FRMPD4: variants seen among roughly 807,000 people sequenced by gnomAD.
FRMPD4 encodes FERM and PDZ domain containing 4, also known as FERM and PDZ domain-containing protein 4.
A neutral mutation model predicts 94.1 loss-of-function variants in FRMPD4; 22 were observed. That is an observed-to-expected ratio of 0.23 (90% CI 0.17 to 0.33). FRMPD4 has a LOEUF of 0.33. Among genes scored for constraint, FRMPD4 ranks in the 10% least tolerant of loss-of-function variants. FRMPD4 has a pLI of 1.00. For synonymous variants in FRMPD4, 631 were observed against 548.6 expected, an observed-to-expected ratio of 1.15 and a Z score of -2.10; for missense variants, 1,111 against 1,339.9, an observed-to-expected ratio of 0.83 and a Z score of 2.67.
At chrX:12,181,279 T>G (rs1458219791) in intron 1 of FRMPD4, among the ~76,000 whole-genome samples, 1 of 111,832 alleles carries the variant, frequency 8.9e-6, no homozygotes. Flanking sequence ...TTCTAGATAT[T>G]AGAAATACAA....
chrX:12,563,049 G>C (rs1227349278), intron 2 of FRMPD4, among the ~76,000 whole-genome samples: 2 of 111,629 alleles, frequency 1.8e-5, no homozygotes, highest in Non-Finnish European at 3.8e-5. Flanking sequence ...GTTACAATAT[G>C]GGCACAGCCA....
chrX:12,665,457 A>T (rs1193789783), intron 4 of FRMPD4, among the ~76,000 whole-genome samples: 21 of 106,626 alleles, frequency 2.0e-4, no homozygotes, highest in African/African-American at 7.0e-4. Context: ...AAAAAAAAAA[A>T]TGTGAACCAA....
In FRMPD4 at chrX:12,522,268, T is replaced by A. The variant is rs773945487; in HGVS notation, c.158+23472T>A. ...TAGATTTCAACCCCCATTTGGCTCC[T>A]TGGACAAGCCCCCTGCATAGCCATT... is the stretch of plus-strand genomic sequence containing the variant. On this transcript the variant is annotated intron_variant, in intron 2 of 16. Coordinates refer to ENST00000675598, the MANE Select transcript of FRMPD4 (RefSeq NM_001368397.1). 1.1e-4 allele frequency among the ~76,000 whole-genome samples: 12 copies of A among 112,033 alleles called. No homozygotes were observed. The South Asian group carries it at 4.1e-3, about 38-fold the overall frequency.
At chrX:12,406,736 C>T (rs1357884764) in intron 1 of FRMPD4, among the ~76,000 whole-genome samples, 2 of 112,251 alleles carry the variant, frequency 1.8e-5, no homozygotes, top group East Asian at 2.8e-4. Context: ...TTGGAATAAG[C>T]CCCTTTGTTG....
chrX:11,848,047 TAAA>T (rs1390423780), intron 1 of FRMPD4, among the ~76,000 whole-genome samples: 1 of 107,991 alleles, frequency 9.3e-6, no homozygotes, highest in Non-Finnish European at 1.9e-5. Flanking sequence ...ATAAAAAAAA[TAAA>T]AAATAAATAA....
At chrX:12,695,349 C>T (rs1256619512) in intron 9 of FRMPD4, among the ~76,000 whole-genome samples, 1 of 111,896 alleles carries the variant, frequency 8.9e-6, no homozygotes, top group African/African-American at 3.3e-5. Flanking sequence ...TACTACTATT[C>T]CTTTTGTAAT....
chrX:12,477,696 A>G (rs1199150502), intron 1 of FRMPD4, among the ~76,000 whole-genome samples: 1 of 112,770 alleles, frequency 8.9e-6, no homozygotes, highest in African/African-American at 3.2e-5. Flanking sequence ...TTGCATTGCA[A>G]TCATTTCTTG....
chrX:12,360,925 CT>C (rs777506515), intron 1 of FRMPD4, among the ~76,000 whole-genome samples: 1 of 85,897 alleles, frequency 1.2e-5, no homozygotes. Flanking sequence ...TATTCTATGG[CT>C]TTTTTTTGCT....
intron 1 of FRMPD4, among the ~76,000 whole-genome samples, chrX:12,455,077 C>T (rs1192452309): frequency 1.8e-5 from 2 of 111,011 alleles, no homozygotes; most frequent in African/African-American, 3.3e-5. Context: ...AAAATAATTG[C>T]TCAGTTTTGA....
At chrX:12,058,711 C>T (rs182770193) in intron 3 of FRMPD4, among the ~76,000 whole-genome samples, 116 of 110,785 alleles carry the variant, frequency 1.0e-3, no homozygotes, top group Non-Finnish European at 2.1e-3. Context: ...ATGCATTTAG[C>T]GACTATTTCA....
intron 4 of FRMPD4, among the ~76,000 whole-genome samples, chrX:12,661,549 G>T (rs2059713927): frequency 8.9e-6 from 1 of 111,938 alleles, no homozygotes; most frequent in African/African-American, 3.3e-5. Context: ...TTCTTCCATA[G>T]CATTCCCTGA....
chrX:11,861,491 C>T (rs2053686654), intron 1 of FRMPD4, among the ~76,000 whole-genome samples: 1 of 111,657 alleles, frequency 9.0e-6, no homozygotes, highest in Non-Finnish European at 1.9e-5. Context: ...TTTAGCTTAA[C>T]TTTTACTCCT....
chrX:12,385,253 G>T (rs1276950852), intron 1 of FRMPD4, among the ~76,000 whole-genome samples: 1 of 112,691 alleles, frequency 8.9e-6, no homozygotes, highest in Non-Finnish European at 1.9e-5. Flanking sequence ...AACATCTATT[G>T]GTTATCAGTG....
intron 1 of FRMPD4, among the ~76,000 whole-genome samples, chrX:12,207,104 G>T (rs2056701262): frequency 9.0e-6 from 1 of 111,225 alleles, no homozygotes; most frequent in Non-Finnish European, 1.9e-5. Context: ...AAAAATTACA[G>T]CATACCAGAG....
At chrX:11,924,215 A>G (rs1283191673) in intron 3 of FRMPD4, among the ~76,000 whole-genome samples, 2 of 112,355 alleles carry the variant, frequency 1.8e-5, no homozygotes, top group Non-Finnish European at 3.8e-5. Flanking sequence ...AAAATAAGAC[A>G]GGCAGACAAG....
chrX:12,063,809 T>G (rs1014107181), intron 3 of FRMPD4, among the ~76,000 whole-genome samples: 1 of 112,821 alleles, frequency 8.9e-6, no homozygotes, highest in African/African-American at 3.2e-5. Flanking sequence ...CCAATTCTTC[T>G]TTGGTTATTT....
At chrX:11,855,947 C>T (rs1249042259) in intron 1 of FRMPD4, among the ~76,000 whole-genome samples, 2 of 111,533 alleles carry the variant, frequency 1.8e-5, no homozygotes, top group African/African-American at 3.3e-5. Flanking sequence ...TTAGTCTGTT[C>T]GTATGTTGCT....
At chrX:12,297,665 C>T (rs1182661579) in intron 1 of FRMPD4, among the ~76,000 whole-genome samples, 3 of 111,487 alleles carry the variant, frequency 2.7e-5, no homozygotes, top group African/African-American at 3.3e-5. Flanking sequence ...TAGAAGAGAA[C>T]AGAATTGTGG....
At chrX:12,168,622 C>CTT (rs35114337) in intron 1 of FRMPD4, among the ~76,000 whole-genome samples, 1,327 of 70,010 alleles carry the variant, frequency 0.019, 21 homozygotes, top group African/African-American at 0.025. Context: ...GACACTGACC[C>CTT]TTTTTTTTTT....
Sources: gnomAD v4.1 joint callset for allele counts (sites outside exome capture counted in the v4.1 genomes callset) on GRCh38, gnomAD v4.1.1 for gene constraint, MANE v1.5 for transcripts, NCBI Gene and HGNC (gene_info 2026-07-23, HGNC 2026-07-21) for gene names.